PCDHA3: variants seen among roughly 807,000 people sequenced by gnomAD.
PCDHA3 encodes protocadherin alpha-3.
Under a neutral mutation model 62.2 loss-of-function variants are expected in PCDHA3, and 41 were observed. The observed-to-expected ratio is 0.66, with a 90% CI of 0.51 to 0.86. The LOEUF (loss-of-function observed/expected upper bound fraction) is 0.86. PCDHA3 is among the 40% of genes least tolerant of loss of function. PCDHA3 has a pLI of 0.00. For synonymous variants in PCDHA3, 640 were observed against 555.4 expected (o/e 1.15, Z -2.14); for missense variants, 1,304 against 1,241.2 (o/e 1.05, Z -0.76).
At chr5:140,883,476 A>G (rs782692069) in intron 1 of PCDHA3, 7 of 1,614,082 alleles carry the variant, frequency 4.3e-6, no homozygotes, top group Admixed American at 3.3e-5. Flanking sequence ...ACCTACAAGA[A>G]CTACTACTCA....
At chr5:140,844,714 T>C (rs1779510682) in intron 1 of PCDHA3, among the ~76,000 whole-genome samples, 1 of 149,562 alleles carries the variant, frequency 6.7e-6, no homozygotes, top group Admixed American at 6.7e-5. Context: ...TCATGGCCCA[T>C]TAGTTCGTGT....
chr5:140,976,505 C>A (rs538128648), intron 1 of PCDHA3, among the ~76,000 whole-genome samples: 1 of 152,004 alleles, frequency 6.6e-6, no homozygotes, highest in Non-Finnish European at 1.5e-5. Flanking sequence ...GAGCCAAGAT[C>A]GCGCCACTGC....
At chr5:140,943,409 T>C (rs1460668622) in intron 1 of PCDHA3, among the ~76,000 whole-genome samples, 1 of 152,078 alleles carries the variant, frequency 6.6e-6, no homozygotes, top group Non-Finnish European at 1.5e-5. Flanking sequence ...AAATTCAGAC[T>C]AGAGGCAAGG....
intron 1 of PCDHA3, among the ~76,000 whole-genome samples, chr5:140,898,520 G>A (rs1583310662): frequency 6.6e-6 from 1 of 152,298 alleles, no homozygotes; most frequent in East Asian, 1.9e-4. Context: ...CGTTATTTCT[G>A]AGGGCTCTGT....
chr5:140,919,733 AG>A (rs1426663186), intron 1 of PCDHA3, among the ~76,000 whole-genome samples: 1 of 152,194 alleles, frequency 6.6e-6, no homozygotes, highest in Admixed American at 6.5e-5. Flanking sequence ...TGTTACTTCT[AG>A]ATAGCTTTAT....
intron 1 of PCDHA3, among the ~76,000 whole-genome samples, chr5:140,977,932 C>T (rs2096781582): frequency 6.6e-6 from 1 of 151,944 alleles, no homozygotes; most frequent in Non-Finnish European, 1.5e-5. Flanking sequence ...TCAACTATAC[C>T]TCAATATTCA....
At chr5:140,969,004 T>C (rs1554231338) in intron 1 of PCDHA3, 2 of 1,614,060 alleles carry the variant, frequency 1.2e-6, no homozygotes, top group East Asian at 2.2e-5. Flanking sequence ...GAGGCTTCTG[T>C]GGAGTAAGGG....
intron 1 of PCDHA3, chr5:140,824,610 G>GTTTTTTTTTTTTTTTTTTTTTTTTT (rs782443702): frequency 3.2e-5 from 3 of 95,112 alleles, no homozygotes; most frequent in African/African-American, 9.7e-5. Context: ...GCTAATTAAA[G>GTTTTTTTTTTTTTTTTTTTTTTTTT]TTTTTTTTTT....
intron 2 of PCDHA3, 175 bp downstream of exon 2, chr5:140,979,182 A>C: frequency 2.6e-5 from 24 of 928,990 alleles, no homozygotes; most frequent in Non-Finnish European, 3.1e-5. Context: ...GCAAATGGTC[A>C]GTGCCAGATG....
At chr5:140,990,318 A>C (rs2097387548) in intron 3 of PCDHA3, among the ~76,000 whole-genome samples, 1 of 152,054 alleles carries the variant, frequency 6.6e-6, no homozygotes, top group Admixed American at 6.5e-5. Context: ...AACCAACCAA[A>C]CAAACTTTAA....
At chr5:140,836,871 T>C in intron 1 of PCDHA3, 1 of 696,422 alleles carries the variant, frequency 1.4e-6, no homozygotes, top group South Asian at 2.4e-5. Context: ...TGTTATGCTG[T>C]ATTTGCACTA....
At chr5:140,972,540 T>C (rs1375467339) in intron 1 of PCDHA3, among the ~76,000 whole-genome samples, 1 of 152,148 alleles carries the variant, frequency 6.6e-6, no homozygotes, top group East Asian at 1.9e-4. Context: ...AAATCACTTG[T>C]GCAGTGAGGA....
intron 3 of PCDHA3, among the ~76,000 whole-genome samples, chr5:141,005,701 CAAAAAAAAAAAAAAAAA>C (rs59860837): frequency 2.6e-4 from 2 of 7,786 alleles, no homozygotes; most frequent in East Asian, 6.3e-3. Flanking sequence ...AACTCCGTCT[CAAAAAAAAAAAAAAAAA>C]AAAAAAAAAA....
At chr5:140,867,685 T>C (rs2050105980) in intron 1 of PCDHA3, 1 of 152,116 alleles carries the variant, frequency 6.6e-6, no homozygotes, top group African/African-American at 2.4e-5. Context: ...TGTTGCATCT[T>C]CTTTTTTTCC....
chr5:140,801,406 G>C lies in PCDHA3; in HGVS notation c.209G>C (p.Arg70Thr). The C allele has an allele frequency of 3.7e-6, 6 of 1,613,774 alleles. No homozygotes were observed. The highest frequency in any genetic ancestry group is 2.2e-5 in the East Asian group (1 of 44,892). The part of the protein sequence containing the change: ...VPRLFRVASK[R>T]HGDLLEVNLQ... The stretch of plus-strand genomic sequence containing the variant: ...CGCCTGTTCCGGGTGGCGTCCAAAA[G>C]ACACGGGGACCTTCTGGAGGTAAAT... Residue 70 changes from arginine to threonine, a missense_variant, in exon 1 of 4, where the codon AGA becomes ACA. By Grantham distance (71) the Arg-to-Thr change is moderately conservative (BLOSUM62 -1). Coordinates refer to ENST00000522353, the MANE Select transcript of PCDHA3 (RefSeq NM_018906.3).
At chr5:140,835,194 G>A in intron 1 of PCDHA3, 1 of 1,544,758 alleles carries the variant, frequency 6.5e-7, no homozygotes, top group Non-Finnish European at 8.8e-7. Context: ...AGATTTAGAC[G>A]AAGGCTTGAA....
intron 1 of PCDHA3, among the ~76,000 whole-genome samples, chr5:140,806,180 G>T (rs112781141): frequency 1.3e-5 from 2 of 152,266 alleles, no homozygotes; most frequent in African/African-American, 4.8e-5. Flanking sequence ...GGCTTTAGAA[G>T]AGTTTAGAAA....
At chr5:140,867,282 C>T (rs921833641) in intron 1 of PCDHA3, 6 of 152,010 alleles carry the variant, frequency 3.9e-5, no homozygotes, top group African/African-American at 7.2e-5. Flanking sequence ...ACCTGATGTG[C>T]TTCAAATATC....
intron 1 of PCDHA3, among the ~76,000 whole-genome samples, chr5:140,938,406 T>C (rs1283027205): frequency 6.6e-6 from 1 of 152,240 alleles, no homozygotes; most frequent in African/African-American, 2.4e-5. Flanking sequence ...ATTGTTTGAT[T>C]GGGTTTATTT....
Sources: allele counts gnomAD v4.1 joint callset (sites outside exome capture counted in the v4.1 genomes callset), GRCh38; gene constraint gnomAD v4.1.1; transcripts MANE v1.5; gene names NCBI Gene and HGNC (gene_info 2026-07-23, HGNC 2026-07-21).